Variants in SYTL2 observed in about 807,000 individuals in gnomAD.
SYTL2 encodes the protein synaptotagmin like 2.
A neutral mutation model predicts 198.7 loss-of-function variants in SYTL2; 165 were observed. The observed-to-expected ratio is 0.83, with a 90% CI of 0.73 to 0.94. The LOEUF (loss-of-function observed/expected upper bound fraction) is 0.94, where lower values mean the gene tolerates loss of function less well. Ranked by LOEUF, SYTL2 falls within the 40% of genes least tolerant of loss-of-function variation. The pLI, the probability that SYTL2 is intolerant of heterozygous loss-of-function variation, is 0.00. For synonymous variants in SYTL2, 966 were observed against 917.7 expected, an observed-to-expected ratio of 1.05 and a Z score of -0.95; for missense variants, 2,835 against 2,582.8, an observed-to-expected ratio of 1.10 and a Z score of -2.12.
chr11:85,730,857 C>T (rs2089741493), intron 7 of SYTL2, among the ~76,000 whole-genome samples: 1 of 152,146 alleles, frequency 6.6e-6, no homozygotes, highest in Non-Finnish European at 1.5e-5. Context: ...ATCGTCTCAG[C>T]CCAAAATCTC....
Position 85,726,282 on chromosome 11 carries a change from T to C in SYTL2, c.3076A>G (p.Ile1026Val), listed in dbSNP as rs116055284. 8.0e-5 allele frequency: 129 copies of C among 1,614,026 alleles called. 1 individual carries two copies. Among genetic ancestry groups the C allele is most frequent in the African/African-American group, 2.7e-4 (20 of 75,032 alleles). Residue 1026 changes from isoleucine to valine, a missense_variant, in exon 8 of 20, where the codon ATT (isoleucine) becomes GTT (valine). Transcript: ENST00000359152. ...TGGGTATTTTTACCTGATAATTTAA[T>C]GTCGCTGAATTCCTTGTGTTTCTGC... ...NRQKHKEFSD[I>V]KLSGKNTHEA...
intron 2 of SYTL2, among the ~76,000 whole-genome samples, chr11:85,753,089 TAC>T (rs138810859): frequency 0.038 from 5,769 of 151,990 alleles, 172 homozygotes; most frequent in East Asian, 0.099. Flanking sequence ...GGTGGTGGTG[TAC>T]AGACAGACAT....
intron 4 of SYTL2, 101 bp from the exon 5 acceptor site, chr11:85,737,757 G>T: frequency 1.1e-6 from 1 of 908,822 alleles, no homozygotes; most frequent in Non-Finnish European, 1.7e-6. Flanking sequence ...AGGAGAGGAA[G>T]CTGGTGCAGA....
At chr11:85,771,722 G>A (rs2092358159) in intron 1 of SYTL2, among the ~76,000 whole-genome samples, 1 of 152,106 alleles carries the variant, frequency 6.6e-6, no homozygotes, top group African/African-American at 2.4e-5. Flanking sequence ...TTTGAAATCT[G>A]ATTACCCACT....
intron 19 of SYTL2, 141 bp from the exon 20 acceptor site, chr11:85,695,481 A>G (rs778223459): frequency 1.0e-5 from 6 of 580,784 alleles, no homozygotes; most frequent in Non-Finnish European, 1.8e-5. Flanking sequence ...GAGACTCAAC[A>G]TAAGGAAGAA....
intron 7 of SYTL2, among the ~76,000 whole-genome samples, chr11:85,728,309 T>G (rs1461597239): frequency 6.6e-6 from 1 of 152,172 alleles, no homozygotes; most frequent in East Asian, 1.9e-4. Context: ...TTTTTTGAGA[T>G]GGAGTCTCGC....
At chr11:85,695,872 G>A (rs188311) in intron 19 of SYTL2, among the ~76,000 whole-genome samples, 100,999 of 152,028 alleles carry the variant, frequency 0.66, 33,872 homozygotes, top group East Asian at 0.71. Flanking sequence ...ATTACTCAAA[G>A]CATATATTTA....
At chr11:85,747,600 C>A (rs546963873) in intron 3 of SYTL2, among the ~76,000 whole-genome samples, 1 of 152,236 alleles carries the variant, frequency 6.6e-6, no homozygotes, top group African/African-American at 2.4e-5. Context: ...GCATGACAGG[C>A]AATAAGCAGG....
At chr11:85,823,697 C>T in the SYTL2 span, among the ~76,000 whole-genome samples, 1 of 152,102 alleles carries the variant, frequency 6.6e-6, no homozygotes, top group African/African-American at 2.4e-5. Context: ...CAAAATTATA[C>T]AGTCAAAAAT....
At chr11:85,754,202 C>A (rs926505503) in intron 2 of SYTL2, among the ~76,000 whole-genome samples, 2 of 152,122 alleles carry the variant, frequency 1.3e-5, no homozygotes, top group Non-Finnish European at 2.9e-5. Context: ...AAATTTGCAA[C>A]TGATAATCCA....
At chr11:85,759,790 T>C (rs890497877) in intron 1 of SYTL2, among the ~76,000 whole-genome samples, 5 of 152,228 alleles carry the variant, frequency 3.3e-5, no homozygotes, top group Admixed American at 2.0e-4. Flanking sequence ...TTAATTTGCA[T>C]GTGCTTGCAT....
chr11:85,842,803 T>G, the SYTL2 span, among the ~76,000 whole-genome samples: 75 of 152,180 alleles, frequency 4.9e-4, no homozygotes, highest in African/African-American at 1.6e-3. Flanking sequence ...AAGACAGGAA[T>G]GAATTCAGGA....
At chr11:85,716,639 T>C (rs184754424) in intron 11 of SYTL2, 1 of 151,172 alleles carries the variant, frequency 6.6e-6, no homozygotes, top group Admixed American at 6.6e-5. Flanking sequence ...ATTATCTTCA[T>C]ACCCCCAGTG....
intron 17 of SYTL2, among the ~76,000 whole-genome samples, chr11:85,699,042 G>C (rs2083851763): frequency 6.6e-6 from 1 of 152,162 alleles, no homozygotes; most frequent in Non-Finnish European, 1.5e-5. Context: ...TCTATCATAA[G>C]CTCATCTCTA....
intron 1 of SYTL2, among the ~76,000 whole-genome samples, chr11:85,763,368 A>C (rs1468538956): frequency 6.6e-6 from 1 of 152,194 alleles, no homozygotes; most frequent in Non-Finnish European, 1.5e-5. Flanking sequence ...AATTGTCCAA[A>C]AGTTAAGCTA....
intron 17 of SYTL2, among the ~76,000 whole-genome samples, chr11:85,699,781 G>A (rs12285655): frequency 0.022 from 3,285 of 152,246 alleles, 133 homozygotes; most frequent in African/African-American, 0.074. Flanking sequence ...GGAGCAAGGA[G>A]CTGGCTGGCA....
chr11:85,728,212 C>A (rs566590176), intron 7 of SYTL2, among the ~76,000 whole-genome samples: 1 of 152,052 alleles, frequency 6.6e-6, no homozygotes, highest in Non-Finnish European at 1.5e-5. Flanking sequence ...TAGACCTAAC[C>A]GAAAAATTTC....
chr11:85,785,789 A>G (rs1344222452), intron 1 of SYTL2, among the ~76,000 whole-genome samples: 1 of 152,208 alleles, frequency 6.6e-6, no homozygotes, highest in East Asian at 1.9e-4. Context: ...TCTATTTCTC[A>G]GTAGAATGTA....
chr11:85,843,113 C>T, the SYTL2 span, among the ~76,000 whole-genome samples: 1 of 152,154 alleles, frequency 6.6e-6, no homozygotes, highest in Non-Finnish European at 1.5e-5. Context: ...GTGGCTCATG[C>T]CTATAATCCC....
Sources: allele counts gnomAD v4.1 joint callset (sites outside exome capture counted in the v4.1 genomes callset), GRCh38; gene constraint gnomAD v4.1.1; transcripts MANE v1.5; gene names NCBI Gene and HGNC (gene_info 2026-07-23, HGNC 2026-07-21).